NCAM2: variants seen among roughly 807,000 people sequenced by gnomAD.
The protein encoded by NCAM2 is neural cell adhesion molecule 2, also known as N-CAM-2.
A neutral mutation model predicts 98.1 loss-of-function variants in NCAM2; 30 were observed. The ratio of observed to expected loss-of-function variants is 0.31; its 90% CI spans 0.23 to 0.41. The LOEUF (loss-of-function observed/expected upper bound fraction) is 0.41, where lower values mean the gene tolerates loss of function less well. NCAM2 is among the 10% of genes least tolerant of loss of function. The pLI is 1.00. For synonymous variants in NCAM2, 368 were observed against 342.4 expected, an observed-to-expected ratio of 1.07 and a Z score of -0.83; for missense variants, 867 against 1,005.8, an observed-to-expected ratio of 0.86 and a Z score of 1.87.
At chr21:21,492,940 T>C (rs1986952848) in intron 15 of NCAM2, among the ~76,000 whole-genome samples, 1 of 151,958 alleles carries the variant, frequency 6.6e-6, no homozygotes, top group South Asian at 2.1e-4. Flanking sequence ...GTTTCTAGAA[T>C]ATAATTTCAC....
chr21:21,159,991 G>A (rs2067732892), intron 1 of NCAM2, among the ~76,000 whole-genome samples: 1 of 151,948 alleles, frequency 6.6e-6, no homozygotes, highest in African/African-American at 2.4e-5. Context: ...CCTGAGATAC[G>A]GAAGACCTGA....
chr21:21,259,560 T>C (rs2071811806), intron 1 of NCAM2, among the ~76,000 whole-genome samples: 2 of 152,148 alleles, frequency 1.3e-5, no homozygotes, highest in South Asian at 4.2e-4. Flanking sequence ...GATGAGCTGG[T>C]TCCTACTCTT....
chr21:21,274,802 A>T (rs576349591), intron 1 of NCAM2, among the ~76,000 whole-genome samples: 70 of 152,288 alleles, frequency 4.6e-4, no homozygotes, highest in Non-Finnish European at 7.6e-4. Flanking sequence ...AGTTATCTCC[A>T]CATGTCTTAT....
chr21:21,400,957 G>A (rs1298997289), intron 9 of NCAM2, among the ~76,000 whole-genome samples: 3 of 152,048 alleles, frequency 2.0e-5, no homozygotes, highest in Admixed American at 6.6e-5. Flanking sequence ...AGAAATCTTA[G>A]AGGTTAAGGA....
chr21:21,493,026 T>G (rs1231869800), intron 15 of NCAM2, among the ~76,000 whole-genome samples: 1 of 151,912 alleles, frequency 6.6e-6, no homozygotes, highest in African/African-American at 2.4e-5. Flanking sequence ...ATCCTATTTC[T>G]TAGTGCATGT....
chr21:21,099,743 T>A (rs1426628892), intron 1 of NCAM2, among the ~76,000 whole-genome samples: 3 of 151,866 alleles, frequency 2.0e-5, no homozygotes, highest in African/African-American at 7.2e-5. Context: ...TTTCCAAGTG[T>A]CAACAGCAGT....
intron 1 of NCAM2, among the ~76,000 whole-genome samples, chr21:21,248,712 GC>G: frequency 7.2e-6 from 1 of 139,478 alleles, no homozygotes; most frequent in East Asian, 2.1e-4. Context: ...GGGAGGTGGA[GC>G]TTGCAGTGAG....
intron 1 of NCAM2, among the ~76,000 whole-genome samples, chr21:21,102,878 C>T (rs1180339565): frequency 6.6e-6 from 1 of 151,974 alleles, no homozygotes; most frequent in Non-Finnish European, 1.5e-5. Context: ...TGAAAAAAAA[C>T]TCTCCTCTAT....
In NCAM2 at chr21:20,998,886, C is replaced by CT. The variant is rs1226679199; in HGVS notation, c.55+277dup. 7.9e-4 allele frequency among the ~76,000 whole-genome samples: 120 copies of CT among 151,188 alleles called. 1 individual carries two copies. Among genetic ancestry groups the CT allele is most frequent in the African/African-American group, 1.5e-3 (63 of 41,192 alleles). On this transcript the variant is annotated intron_variant, in intron 1 of 17. Coordinates refer to ENST00000400546, the MANE Select transcript of NCAM2 (RefSeq NM_004540.5). ...TCCAGGGAAACCGCTTCTTCTTCTT[C>CT]TTTTTTTTTCCTCTGGGATTATGGC...
chr21:21,282,433 A>G (rs1305023364), intron 2 of NCAM2, among the ~76,000 whole-genome samples: 1 of 151,822 alleles, frequency 6.6e-6, no homozygotes, highest in African/African-American at 2.4e-5. Flanking sequence ...TTTCTTTTAT[A>G]TAAAGATGTA....
chr21:21,120,114 G>A (rs2066641273), intron 1 of NCAM2, among the ~76,000 whole-genome samples: 1 of 152,052 alleles, frequency 6.6e-6, no homozygotes, highest in African/African-American at 2.4e-5. Flanking sequence ...TCCCAGTTAC[G>A]TTTGTTCCTT....
chr21:21,261,199 A>C (rs1003239684), intron 1 of NCAM2, among the ~76,000 whole-genome samples: 1 of 152,150 alleles, frequency 6.6e-6, no homozygotes. Flanking sequence ...CCAGATTTAA[A>C]AAATAACAAT....
At chr21:21,318,579 A>T (rs2074286072) in intron 5 of NCAM2, among the ~76,000 whole-genome samples, 1 of 152,214 alleles carries the variant, frequency 6.6e-6, no homozygotes, top group Admixed American at 6.5e-5. Flanking sequence ...TGATTATAAA[A>T]ATAATCCAAT....
chr21:21,343,431 T>C (rs1382831915), intron 8 of NCAM2, among the ~76,000 whole-genome samples: 1 of 151,648 alleles, frequency 6.6e-6, no homozygotes, highest in Non-Finnish European at 1.5e-5. Flanking sequence ...TGAACAGTTG[T>C]AGTACTTGGT....
At chr21:21,118,217 A>T (rs535974207) in intron 1 of NCAM2, among the ~76,000 whole-genome samples, 1 of 152,310 alleles carries the variant, frequency 6.6e-6, no homozygotes, top group African/African-American at 2.4e-5. Context: ...TTCTTGTTCA[A>T]TAGCTGTGAT....
At chr21:21,449,885 A>G (rs1361307396) in intron 12 of NCAM2, among the ~76,000 whole-genome samples, 10 of 151,992 alleles carry the variant, frequency 6.6e-5, no homozygotes. Context: ...CTTTTACTTT[A>G]TGTATAGATT....
chr21:21,008,846 T>A (rs2146127749), intron 1 of NCAM2, among the ~76,000 whole-genome samples: 1 of 152,284 alleles, frequency 6.6e-6, no homozygotes, highest in South Asian at 2.1e-4. Context: ...CATTGAACAA[T>A]CCTATTCTCT....
intron 9 of NCAM2, among the ~76,000 whole-genome samples, chr21:21,400,320 T>A (rs60806568): frequency 0.083 from 12,610 of 152,230 alleles, 1,213 homozygotes; most frequent in African/African-American, 0.23. Context: ...TAAATCTAAA[T>A]AATTTATCAT....
chr21:21,397,612 G>T (rs2076538832), intron 9 of NCAM2, among the ~76,000 whole-genome samples: 1 of 152,236 alleles, frequency 6.6e-6, no homozygotes, highest in Non-Finnish European at 1.5e-5. Context: ...TCAGGGATGG[G>T]AGCAGGCACT....
Sources: allele counts gnomAD v4.1 joint callset (sites outside exome capture counted in the v4.1 genomes callset), GRCh38; gene constraint gnomAD v4.1.1; transcripts MANE v1.5; gene names NCBI Gene and HGNC (gene_info 2026-07-23, HGNC 2026-07-21).